The following CACNG8 variants were observed in gnomAD, a reference collection of about 807,000 sequenced individuals.
CACNG8 encodes voltage-dependent calcium channel gamma-8 subunit.
In CACNG8, 5 loss-of-function variants were observed where a neutral mutation model predicts 26.9. The ratio of observed to expected loss-of-function variants is 0.19; its 90% CI spans 0.10 to 0.39. The LOEUF (loss-of-function observed/expected upper bound fraction) is 0.39. CACNG8 is among the 10% of genes least tolerant of loss of function. CACNG8 has a pLI of 1.00. For missense variants in CACNG8, 473 were observed against 609.4 expected, an observed-to-expected ratio of 0.78 and a Z score of 2.36; for synonymous variants, 321 against 296.7, an observed-to-expected ratio of 1.08 and a Z score of -0.84.
chr19:53,971,990 C>T (rs1458133605), intron 1 of CACNG8, among the ~76,000 whole-genome samples: 28 of 152,112 alleles, frequency 1.8e-4, no homozygotes, highest in Non-Finnish European at 2.9e-5. Flanking sequence ...CTGTGCCTAA[C>T]TTCCTTTTTT....
Position 53,982,397 on chromosome 19 carries a change from T to C in CACNG8, c.826T>C (p.Ser276Pro). 2 of 1,525,274 alleles carry C rather than the reference T, an allele frequency of 1.3e-6. No homozygotes were observed. The highest frequency in any genetic ancestry group is 5.1e-5 in the East Asian group (2 of 39,268). The allele number at this position is 1,525,274 out of a possible 1,614,324, so 94.5% of individuals were successfully genotyped here. ...CTTCCGCTACCGCCGCCGCTCCCGC[T>C]CTAGCTCCCGCTCCAGCGAGCCGTC... Residue 276 changes from serine (S) to proline (P), a missense_variant, in exon 4 of 4, where the codon TCT becomes CCT. Physicochemically the swap from Ser to Pro is moderately conservative, Grantham distance 74 (BLOSUM62 -1). Transcript: ENST00000270458. This position sits in a 1 kb window ranked among gnomAD's most constrained non-coding sequence, Gnocchi z 8.4.
chr19:53,972,361 CTT>C (rs577196456), intron 1 of CACNG8, among the ~76,000 whole-genome samples: 2 of 106,272 alleles, frequency 1.9e-5, no homozygotes, highest in Admixed American at 1.1e-4. Context: ...TTCTTCTTTT[CTT>C]TTTTTTTTTT....
chr19:53,979,660 G>A (rs1191796535), intron 2 of CACNG8, among the ~76,000 whole-genome samples: 2 of 152,148 alleles, frequency 1.3e-5, no homozygotes, highest in Admixed American at 1.3e-4. Flanking sequence ...GAAAAAGAGG[G>A]AGAGAAAATC....
chr19:53,963,319 C>A lies in CACNG8; in HGVS notation c.177C>A (p.Ala59=). 1 of 1,603,898 alleles carries A rather than the reference C, an allele frequency of 6.2e-7. No individual in the cohort carries two copies. Among genetic ancestry groups the A allele is most frequent in the Non-Finnish European group, 8.5e-7 (1 of 1,178,268 alleles). ...TCTGCAACACCACCAACCTCACGGC[C>A]GGCGGCGACGACGGGACCCCCCACC... Residue 59 remains alanine, a synonymous_variant, in exon 1 of 4, where the codon GCC becomes GCA. Coordinates refer to ENST00000270458, the MANE Select transcript of CACNG8 (RefSeq NM_031895.6).
Position 53,982,981 on chromosome 19 carries a change from C to T in CACNG8, c.*132C>T. 1 of 455,584 alleles carries T rather than the reference C, an allele frequency of 2.2e-6. No homozygotes were observed. The allele number at this position is 455,584 out of a possible 1,614,324, so 28.2% of individuals were successfully genotyped here. A position where few individuals can be genotyped will look rare whatever the true frequency, so the allele number is the denominator to read the frequency against. On this transcript the variant is annotated 3_prime_UTR_variant, in exon 4 of 4. Coordinates refer to ENST00000270458, the MANE Select transcript of CACNG8 (RefSeq NM_031895.6). This position sits in a 1 kb window ranked among gnomAD's most constrained non-coding sequence, Gnocchi z 8.4. ...TGGAGACTGCTGGGCCCGCCCCACG[C>T]CCACCCTCCCCGCCCCCCTCCCCCT... is the stretch of plus-strand genomic sequence containing the variant.
chr19:53,977,773 C>T (rs1398790281), intron 1 of CACNG8, among the ~76,000 whole-genome samples: 1 of 152,170 alleles, frequency 6.6e-6, no homozygotes, highest in African/African-American at 2.4e-5. Flanking sequence ...GTGGGAAGCG[C>T]CTTGCTATTA....
At chr19:53,981,984 C>A in intron 3 of CACNG8, 96 bp from the exon 4 acceptor site, 1 of 1,306,252 alleles carries the variant, frequency 7.7e-7, no homozygotes, top group East Asian at 3.1e-5. Flanking sequence ...GGGGTGGCGC[C>A]TGGGCCCGCT....
chr19:53,989,396 C>G lies in CACNG8; in HGVS notation c.*6547C>G, dbSNP rs1600045039. 6.6e-6 allele frequency: 1 copy of G among 152,600 alleles called. No homozygotes were observed. Among genetic ancestry groups the G allele is most frequent in the South Asian group, 2.1e-4 (1 of 4,808 alleles). The allele number at this position is 152,600 out of a possible 1,614,324, so 9.5% of individuals were successfully genotyped here. Reference sequence around the variant, plus strand: ...AGAGAAGTCCCAGAGATAACAAAAACACAACCACAGAGATAGGGAGACGTA... The same window carrying G: ...AGAGAAGTCCCAGAGATAACAAAAAGACAACCACAGAGATAGGGAGACGTA... On this transcript the variant is annotated 3_prime_UTR_variant, in exon 4 of 4. Transcript: ENST00000270458.
At chr19:53,979,814 C>G (rs2069353244) in intron 2 of CACNG8, 53 bp from the exon 3 acceptor site, 21 of 1,511,178 alleles carry the variant, frequency 1.4e-5, no homozygotes, top group Non-Finnish European at 1.6e-5. Context: ...CGCAGGCGGC[C>G]GCGTCTGACC....
chr19:53,966,424 T>G (rs371625834), intron 1 of CACNG8, among the ~76,000 whole-genome samples: 12 of 151,972 alleles, frequency 7.9e-5, no homozygotes, highest in African/African-American at 2.4e-4. Flanking sequence ...TTTTCTTTTT[T>G]TGTTTTTAGG....
At chr19:53,970,561 GT>G (rs1275715490) in intron 1 of CACNG8, among the ~76,000 whole-genome samples, 1 of 150,348 alleles carries the variant, frequency 6.7e-6, no homozygotes, top group Non-Finnish European at 1.5e-5. Flanking sequence ...GGAGGCGGAG[GT>G]TGCTGTGAGC....
chr19:53,981,974 G>A (rs1026460250), intron 3 of CACNG8, 106 bp from the exon 4 acceptor site: 2 of 1,268,352 alleles, frequency 1.6e-6, no homozygotes, highest in African/African-American at 1.6e-5. Flanking sequence ...AGACCGCCTG[G>A]GGGTGGCGCC....
intron 2 of CACNG8, among the ~76,000 whole-genome samples, chr19:53,978,903 A>C (rs57443175): frequency 7.1e-6 from 1 of 140,194 alleles, no homozygotes. Flanking sequence ...AGAGGAAGGG[A>C]GTGAAGAGAA....
Position 53,963,304 on chromosome 19 carries a change from C to A in CACNG8, c.162C>A (p.Thr54=), listed in dbSNP as rs781510400. ...ACACGCGCGCCCTCATCTGCAACAC[C>A]ACCAACCTCACGGCCGGCGGCGACG... The change falls in exon 1 of 4, where the codon ACC becomes ACA. Residue 54 remains threonine (T), a synonymous_variant. Coordinates refer to ENST00000270458, the MANE Select transcript of CACNG8 (RefSeq NM_031895.6). 1.2e-6 allele frequency: 2 copies of A among 1,607,418 alleles called. No individual in the cohort carries two copies. The highest frequency in any genetic ancestry group is 1.7e-6 in the Non-Finnish European group (2 of 1,179,030).
intron 1 of CACNG8, among the ~76,000 whole-genome samples, chr19:53,966,834 C>T (rs1316757841): frequency 3.9e-5 from 6 of 152,172 alleles, no homozygotes; most frequent in African/African-American, 2.4e-5. Context: ...AACAAATGAC[C>T]GAGGGGAAGG....
intron 1 of CACNG8, among the ~76,000 whole-genome samples, chr19:53,973,572 C>T (rs947136875): frequency 1.3e-5 from 2 of 150,580 alleles, no homozygotes; most frequent in Non-Finnish European, 3.0e-5. Flanking sequence ...TACCCCTGTA[C>T]TCCCAGCACT....
rs1433098837 is a variant in CACNG8 at position 53,984,804 on chromosome 19, T to G, written c.*1955T>G. The G allele has an allele frequency of 1.3e-5, 2 of 151,502 alleles. No individual in the cohort carries two copies. The highest frequency in any genetic ancestry group is 3.9e-4 in the East Asian group (2 of 5,146). 9.4% of individuals were successfully genotyped at this position (151,502 alleles called of 1,614,324 possible). A position where few individuals can be genotyped will look rare whatever the true frequency, so the allele number is the denominator to read the frequency against. On this transcript the variant is annotated 3_prime_UTR_variant, in exon 4 of 4. Transcript: ENST00000270458. ...TGTCTCTACAAAACATTAAAAAAAA[T>G]TAGCCGGGCGTGGTGGAGCACACCT... is the stretch of plus-strand genomic sequence containing the variant.
At chr19:53,979,201 C>A (rs1254258566) in intron 2 of CACNG8, among the ~76,000 whole-genome samples, 1 of 28,226 alleles carries the variant, frequency 3.5e-5, no homozygotes, top group Non-Finnish European at 8.1e-5. Flanking sequence ...GCAGAAAAAG[C>A]GGGGTGGGGG....
chr19:53,982,091 A>G lies in CACNG8; in HGVS notation c.520A>G (p.Ile174Val). ...CCGTCCCCGCCCAGGCCTGAGCAACATCATCGGCGTGATCGTGTACATCTC... is the reference window on the plus strand; with the variant it reads ...CCGTCCCCGCCCAGGCCTGAGCAACGTCATCGGCGTGATCGTGTACATCTC... The change falls in exon 4 of 4, where the codon ATC (isoleucine) becomes GTC (valine). Residue 174 changes from isoleucine (I) to valine (V), a missense_variant. Transcript: ENST00000270458. This position sits in a 1 kb window ranked among gnomAD's most constrained non-coding sequence, Gnocchi z 8.4. The G allele has an allele frequency of 1.3e-6, 2 of 1,590,206 alleles. No homozygotes were observed. Among genetic ancestry groups the G allele is most frequent in the South Asian group, 1.1e-5 (1 of 87,898 alleles).
Sources: allele counts gnomAD v4.1 joint callset (sites outside exome capture counted in the v4.1 genomes callset), GRCh38; gene constraint gnomAD v4.1.1; non-coding constraint Gnocchi (gnomAD v3.1); transcripts MANE v1.5; gene names NCBI Gene and HGNC (gene_info 2026-07-23, HGNC 2026-07-21).